INPP5B: variants seen among roughly 807,000 people sequenced by gnomAD.
INPP5B encodes the protein type II inositol 1,4,5-trisphosphate 5-phosphatase.
In INPP5B, 90 loss-of-function variants were observed where a neutral mutation model predicts 118.5. That is an observed-to-expected ratio of 0.76 (90% confidence interval 0.64 to 0.90). INPP5B has a LOEUF of 0.90. INPP5B is among the 40% of genes least tolerant of loss of function. The probability of loss-of-function intolerance (pLI) is 0.00; values close to 1 mark genes in which losing one functional copy is unlikely to be tolerated. For synonymous variants in INPP5B, 385 were observed against 418.9 expected, an observed-to-expected ratio of 0.92 and a Z score of 0.99; for missense variants, 984 against 1,125.6, an observed-to-expected ratio of 0.87 and a Z score of 1.80.
chr1:37,862,267 T>C lies in INPP5B; in HGVS notation c.*48A>G, dbSNP rs777523054. The C allele has an allele frequency of 4.1e-6, 5 of 1,218,758 alleles. No homozygotes were observed. Among genetic ancestry groups the C allele is most frequent in the Non-Finnish European group, 6.1e-6 (5 of 821,902 alleles). The allele number at this position is 1,218,758 out of a possible 1,614,324, so 75.5% of individuals were successfully genotyped here. A position where few individuals can be genotyped will look rare whatever the true frequency, so the allele number is the denominator to read the frequency against. On this transcript the variant is annotated 3_prime_UTR_variant, in exon 24 of 24. Coordinates refer to ENST00000373024, the MANE Select transcript of INPP5B (RefSeq NM_005540.3). ...AAGGCATCTCTTGAGCTGAAACAGG[T>C]GGGGCTGGTAATTGGCAGCCTCAAG...
chr1:37,941,975 A>ATATATATATATAT (rs1365512516), intron 5 of INPP5B: 1 of 91,770 alleles, frequency 1.1e-5, no homozygotes, highest in Non-Finnish European at 2.3e-5. Context: ...ATATATATAT[A>ATATATATATATAT]AAATAAAATA....
chr1:37,941,925 G>A (rs1298861080), intron 5 of INPP5B, among the ~76,000 whole-genome samples: 2 of 43,078 alleles, frequency 4.6e-5, no homozygotes, highest in Admixed American at 2.4e-4. Context: ...GCGACAGAGC[G>A]AGACTCCGTC....
At chr1:37,924,227 G>A (rs1645148460) in intron 7 of INPP5B, among the ~76,000 whole-genome samples, 1 of 151,596 alleles carries the variant, frequency 6.6e-6, no homozygotes, top group South Asian at 2.1e-4. Flanking sequence ...GGAGTGCAGT[G>A]GCGTGATCTC....
chr1:37,864,613 A>C (rs1641916550), intron 22 of INPP5B, 190 bp from the exon 23 acceptor site: 1 of 453,434 alleles, frequency 2.2e-6, no homozygotes, highest in Admixed American at 4.0e-5. Flanking sequence ...TTTAGAAGTC[A>C]AACTTTTAAC....
chr1:37,913,772 A>C (rs1448091064), intron 7 of INPP5B, among the ~76,000 whole-genome samples: 1 of 152,150 alleles, frequency 6.6e-6, no homozygotes, highest in Non-Finnish European at 1.5e-5. Context: ...TTTCTTATTA[A>C]TATAAGAAGA....
At chr1:37,891,671 G>A (rs1643855390) in intron 7 of INPP5B, among the ~76,000 whole-genome samples, 1 of 151,888 alleles carries the variant, frequency 6.6e-6, no homozygotes, top group South Asian at 2.1e-4. Context: ...TTACTCGGGA[G>A]GCTGAGGCAG....
intron 6 of INPP5B, among the ~76,000 whole-genome samples, chr1:37,932,857 A>G (rs1010105821): frequency 6.6e-6 from 1 of 152,176 alleles, no homozygotes; most frequent in Non-Finnish European, 1.5e-5. Context: ...TGTGTTTACT[A>G]TGAAATATAT....
intron 20 of INPP5B, 45 bp downstream of exon 20, chr1:37,868,456 G>C: frequency 7.6e-7 from 1 of 1,319,718 alleles, no homozygotes; most frequent in Non-Finnish European, 1.1e-6. Flanking sequence ...TGGTCCTCAA[G>C]GCAGCCTGGC....
chr1:37,917,638 T>G (rs1216724557), intron 7 of INPP5B, among the ~76,000 whole-genome samples: 2 of 151,988 alleles, frequency 1.3e-5, no homozygotes, highest in Non-Finnish European at 2.9e-5. Flanking sequence ...AACTGAAGTT[T>G]TTAATTTGAT....
At position 37,880,121 on chromosome 1, in the gene INPP5B, T is replaced by A; in HGVS notation, c.1505A>T (p.Tyr502Phe). 1 of 1,612,062 alleles carries A rather than the reference T, an allele frequency of 6.2e-7. No homozygotes were observed. Among genetic ancestry groups the A allele is most frequent in the South Asian group, 1.1e-5 (1 of 90,906 alleles). ...TEGELTFQPTYKYDTGSDDWD... is the reference protein window; with the variant it reads ...TEGELTFQPTFKYDTGSDDWD... ...GTCGTCAGAGCCCGTATCATACTTGTAAGTAGGCTGGAATGTGAGCTCACC... is the reference window on the plus strand; with the variant it reads ...GTCGTCAGAGCCCGTATCATACTTGAAAGTAGGCTGGAATGTGAGCTCACC... Residue 502 changes from tyrosine to phenylalanine, a missense_variant, in exon 15 of 24, where the codon TAC becomes TTC. Tyr to Phe is a conservative substitution (Grantham distance 22). Transcript: ENST00000373024.
intron 6 of INPP5B, among the ~76,000 whole-genome samples, chr1:37,937,857 A>G (rs1645754482): frequency 1.3e-5 from 2 of 151,912 alleles, no homozygotes; most frequent in African/African-American, 4.8e-5. Flanking sequence ...AATCCTAGCT[A>G]CTTGGGAGGC....
chr1:37,903,462 C>T (rs1489660854), intron 7 of INPP5B, among the ~76,000 whole-genome samples: 1 of 152,216 alleles, frequency 6.6e-6, no homozygotes, highest in Non-Finnish European at 1.5e-5. Flanking sequence ...CGCAGTGGCT[C>T]ACGCCTGTAA....
At chr1:37,933,904 TTTATTTA>T (rs1645589615) in intron 6 of INPP5B, among the ~76,000 whole-genome samples, 4 of 14,118 alleles carry the variant, frequency 2.8e-4, no homozygotes, top group South Asian at 2.8e-3. Flanking sequence ...TTTTATTTTA[TTTATTTA>T]TTTATTTATT....
intron 7 of INPP5B, among the ~76,000 whole-genome samples, chr1:37,901,658 T>G (rs74067340): frequency 0.031 from 4,671 of 152,138 alleles, 208 homozygotes; most frequent in East Asian, 0.22. Context: ...GACCAGAACA[T>G]CTTCACTCAT....
At position 37,895,452 on chromosome 1, in the gene INPP5B, C is replaced by A. The variant is rs987453727; in HGVS notation, c.533-3998G>T. 4.6e-5 allele frequency among the ~76,000 whole-genome samples: 7 copies of A among 152,028 alleles called. No homozygotes were observed. In the South Asian group the frequency reaches 1.5e-3, roughly 32 times the overall value. On this transcript the variant is annotated intron_variant, in intron 7 of 23. Transcript: ENST00000373024. ...GAGATCAGCTTGGACAATAGAGACC[C>A]CTATCTCTTAAAAAATAATAAAATC...
At chr1:37,922,184 A>G (rs1645081028) in intron 7 of INPP5B, among the ~76,000 whole-genome samples, 1 of 152,168 alleles carries the variant, frequency 6.6e-6, no homozygotes, top group Non-Finnish European at 1.5e-5. Context: ...CCTAGGTGAC[A>G]GAGCTAGAAT....
At chr1:37,877,197 C>T (rs1387186284) in intron 16 of INPP5B, among the ~76,000 whole-genome samples, 2 of 151,318 alleles carry the variant, frequency 1.3e-5, no homozygotes, top group African/African-American at 4.9e-5. Context: ...AAAAAAATAG[C>T]CAGACGTGGT....
At chr1:37,943,208 C>T (rs893779369) in intron 5 of INPP5B, among the ~76,000 whole-genome samples, 2 of 151,970 alleles carry the variant, frequency 1.3e-5, no homozygotes, top group Non-Finnish European at 1.5e-5. Flanking sequence ...CCATGTTGGT[C>T]AGGCTGGTCT....
chr1:37,881,455 C>G (rs184177395), intron 14 of INPP5B, among the ~76,000 whole-genome samples: 1 of 152,302 alleles, frequency 6.6e-6, no homozygotes, highest in African/African-American at 2.4e-5. Context: ...TGGCACTACA[C>G]GGACTGGTGA....
Sources: allele counts gnomAD v4.1 joint callset (sites outside exome capture counted in the v4.1 genomes callset), GRCh38; gene constraint gnomAD v4.1.1; transcripts MANE v1.5; gene names NCBI Gene and HGNC (gene_info 2026-07-23, HGNC 2026-07-21).